Variants in C2CD3 observed in about 807,000 individuals in gnomAD.
C2CD3 encodes the protein C2 domain-containing protein 3.
A neutral mutation model predicts 234.0 loss-of-function variants in C2CD3; 148 were observed. That is an observed-to-expected ratio of 0.63 (90% CI 0.55 to 0.72). The LOEUF is 0.72. C2CD3 is among the 30% of genes least tolerant of loss of function. The pLI is 0.00. For synonymous variants in C2CD3, 1,000 were observed against 1,035.4 expected (o/e 0.97, Z 0.66); for missense variants, 2,577 against 2,811.5 (o/e 0.92, Z 1.89).
intron 11 of C2CD3, among the ~76,000 whole-genome samples, chr11:74,111,159 T>C (rs1565305903): frequency 6.6e-6 from 1 of 152,182 alleles, no homozygotes; most frequent in Admixed American, 6.5e-5. Flanking sequence ...CTTAACTAAT[T>C]TATGTCTCAG....
chr11:74,152,521 AATC>A (rs1296500049), intron 3 of C2CD3, among the ~76,000 whole-genome samples: 1 of 152,214 alleles, frequency 6.6e-6, no homozygotes, highest in East Asian at 1.9e-4. Context: ...ACTCTTCTAA[AATC>A]ATTTTATGCC....
chr11:74,022,910 G>T (rs1952146439), intron 32 of C2CD3, among the ~76,000 whole-genome samples: 1 of 152,226 alleles, frequency 6.6e-6, no homozygotes, highest in Non-Finnish European at 1.5e-5. Flanking sequence ...AAGTAGCATG[G>T]GGTGGGAATT....
At chr11:74,022,082 C>CATT in intron 32 of C2CD3, among the ~76,000 whole-genome samples, 1 of 151,790 alleles carries the variant, frequency 6.6e-6, no homozygotes, top group Non-Finnish European at 1.5e-5. Context: ...GCTGAGATCG[C>CATT]ACCACCACAC....
chr11:74,137,519 T>C (rs1001739782), intron 5 of C2CD3, among the ~76,000 whole-genome samples: 1 of 142,980 alleles, frequency 7.0e-6, no homozygotes, highest in Non-Finnish European at 1.5e-5. Context: ...AAATTAATAG[T>C]TTATAATCTT....
chr11:74,032,597 G>A (rs1423640757), intron 31 of C2CD3, among the ~76,000 whole-genome samples: 2 of 152,074 alleles, frequency 1.3e-5, no homozygotes, highest in East Asian at 1.9e-4. Context: ...CTGGCCAGGC[G>A]TGGTGGCTCA....
At chr11:74,038,245 C>CCAGCATAGTG (rs1952839039) in intron 29 of C2CD3, among the ~76,000 whole-genome samples, 1 of 152,136 alleles carries the variant, frequency 6.6e-6, no homozygotes, top group East Asian at 1.9e-4. Flanking sequence ...TCTACTGCAC[C>CCAGCATAGTG]CAGCATAGTG....
At chr11:74,053,728 G>A (rs1219340885) in intron 26 of C2CD3, among the ~76,000 whole-genome samples, 8 of 152,248 alleles carry the variant, frequency 5.3e-5, no homozygotes, top group Admixed American at 5.2e-4. Flanking sequence ...TGTACGTTAT[G>A]ATGGTTGACA....
At chr11:74,136,397 C>T (rs975333553) in intron 5 of C2CD3, among the ~76,000 whole-genome samples, 2 of 152,136 alleles carry the variant, frequency 1.3e-5, no homozygotes, top group Non-Finnish European at 2.9e-5. Flanking sequence ...GAATAGCTGG[C>T]CAGCAAGGTC....
At chr11:74,161,302 TACAGGAGCC>T in intron 3 of C2CD3, 88 bp downstream of exon 3, 1 of 641,834 alleles carries the variant, frequency 1.6e-6, no homozygotes, top group Non-Finnish European at 2.5e-6. Flanking sequence ...TAGCATGATA[TACAGGAGCC>T]ATGGACCTAT....
intron 24 of C2CD3, among the ~76,000 whole-genome samples, chr11:74,059,760 C>T (rs534606539): frequency 1.8e-4 from 28 of 152,314 alleles, no homozygotes; most frequent in African/African-American, 5.5e-4. Flanking sequence ...ACTGAGGTAC[C>T]GGGTTCATCT....
chr11:74,168,125 G>A (rs1054022796), intron 2 of C2CD3: 10 of 497,308 alleles, frequency 2.0e-5, no homozygotes, highest in Non-Finnish European at 3.6e-5. Flanking sequence ...CTATCTTTCA[G>A]GGTTATTGTA....
rs113764465 is a variant in C2CD3 at position 74,038,195 on chromosome 11, T to TC, written c.5661-498dup. ...ATCACTCATTTATTTAACACCTATTTCCCCTGATGTACGGTCAGCTCTGGG... is the reference window on the plus strand; with the variant it reads ...ATCACTCATTTATTTAACACCTATTTCCCCCTGATGTACGGTCAGCTCTGGG... On this transcript the variant is annotated intron_variant, in intron 29 of 32. Coordinates refer to ENST00000334126, the MANE Select transcript of C2CD3 (RefSeq NM_001286577.2). Among the ~76,000 whole-genome samples, 681 of 152,274 alleles carry TC rather than the reference T, an allele frequency of 4.5e-3. 3 individuals are homozygous for TC. Among genetic ancestry groups the TC allele is most frequent in the Middle Eastern group, 0.034 (10 of 294 alleles).
chr11:74,042,170 CT>C lies in C2CD3; in HGVS notation c.5543del (p.Gln1848ArgfsTer24). ...SQASRHEEHV[Q>X]NIRRFHESLH... ...GGGATTCATGAAACCGGCGAATGTT[CT>C]GCACATGCTCTTCATGGCGTGATGC... is the stretch of plus-strand genomic sequence containing the variant. On this transcript the variant is annotated frameshift_variant, in exon 29 of 33. Transcript: ENST00000334126. LOFTEE classifies it high-confidence loss of function. 6.2e-7 allele frequency: 1 copy of C among 1,610,418 alleles called. No individual in the cohort carries two copies. The highest frequency in any genetic ancestry group is 8.5e-7 in the Non-Finnish European group (1 of 1,179,386).
At chr11:74,116,253 A>C (rs1956923353) in intron 9 of C2CD3, among the ~76,000 whole-genome samples, 1 of 152,190 alleles carries the variant, frequency 6.6e-6, no homozygotes, top group Non-Finnish European at 1.5e-5. Flanking sequence ...TCCAGAATCT[A>C]TAAGGAATGC....
chr11:74,123,857 G>C (rs1242330148), intron 7 of C2CD3, among the ~76,000 whole-genome samples: 1 of 151,216 alleles, frequency 6.6e-6, no homozygotes, highest in Non-Finnish European at 1.5e-5. Context: ...TCCTGCCTTA[G>C]CTTCCCTAGT....
chr11:74,117,100 G>A (rs1411148541), intron 9 of C2CD3, among the ~76,000 whole-genome samples: 1 of 38,818 alleles, frequency 2.6e-5, no homozygotes, highest in Non-Finnish European at 4.3e-5. Flanking sequence ...ATATATATAT[G>A]AATATATATA....
chr11:74,098,010 A>G lies in C2CD3; in HGVS notation c.2978T>C (p.Met993Thr), dbSNP rs374132288. The change falls in exon 16 of 33, where the codon ATG (methionine) becomes ACG (threonine). Residue 993 changes from methionine (M) to threonine (T), a missense_variant and splice_region_variant. Physicochemically the swap from Met to Thr is moderately conservative, Grantham distance 81 (BLOSUM62 -1). Coordinates refer to ENST00000334126, the MANE Select transcript of C2CD3 (RefSeq NM_001286577.2). The part of the protein sequence containing the change: ...LDQPTAASVA[M>T]AEDRGNGLME... ...TTTGTAAACCATAGCGTTTATTACC[A>G]TAGCAACAGATGCTGCAGTTGGCTG... The G allele has an allele frequency of 6.2e-7, 1 of 1,613,720 alleles. No individual in the cohort carries two copies. The highest frequency in any genetic ancestry group is 8.5e-7 in the Non-Finnish European group (1 of 1,179,844).
chr11:74,084,141 T>C (rs1955527732), intron 22 of C2CD3, among the ~76,000 whole-genome samples: 1 of 152,066 alleles, frequency 6.6e-6, no homozygotes, highest in Non-Finnish European at 1.5e-5. Flanking sequence ...ATGTCCTTTG[T>C]AGGGACATGG....
intron 3 of C2CD3, among the ~76,000 whole-genome samples, chr11:74,148,075 A>C (rs2135553756): frequency 6.6e-6 from 1 of 152,292 alleles, no homozygotes; most frequent in East Asian, 1.9e-4. Flanking sequence ...TAAATTTTAC[A>C]AATTTTACAA....
Sources: allele counts gnomAD v4.1 joint callset (sites outside exome capture counted in the v4.1 genomes callset), GRCh38; gene constraint gnomAD v4.1.1; transcripts MANE v1.5; gene names NCBI Gene and HGNC (gene_info 2026-07-23, HGNC 2026-07-21).